GPC6: variants seen among roughly 807,000 people sequenced by gnomAD.
GPC6 encodes glypican-6.
GPC6 carries 14 observed loss-of-function variants against 55.2 expected under a neutral mutation model. The observed-to-expected ratio is 0.25, with a 90% CI of 0.17 to 0.40. The LOEUF is 0.40. Among genes scored for constraint, GPC6 ranks in the 10% least tolerant of loss-of-function variants. The pLI, the probability that GPC6 is intolerant of heterozygous loss-of-function variation, is 1.00. For missense variants in GPC6, 641 were observed against 708.5 expected, an observed-to-expected ratio of 0.90 and a Z score of 1.08; for synonymous variants, 278 against 259.6, an observed-to-expected ratio of 1.07 and a Z score of -0.68.
chr13:94,179,155 A>G (rs926893276), intron 4 of GPC6, among the ~76,000 whole-genome samples: 1 of 152,176 alleles, frequency 6.6e-6, no homozygotes, highest in Non-Finnish European at 1.5e-5. Context: ...CATCTCCAGT[A>G]TCCTCACCCT....
chr13:93,599,389 C>A (rs1877914935), intron 2 of GPC6, among the ~76,000 whole-genome samples: 1 of 151,866 alleles, frequency 6.6e-6, no homozygotes, highest in Non-Finnish European at 1.5e-5. Flanking sequence ...TTATAGAGAT[C>A]TGTTTTCTTA....
chr13:93,467,575 C>CTTTTTTTTTTTT (rs11426472), intron 1 of GPC6, among the ~76,000 whole-genome samples: 1 of 74,020 alleles, frequency 1.4e-5, no homozygotes. Flanking sequence ...AGCTGTGATT[C>CTTTTTTTTTTTT]TTTTTTTTTT....
intron 1 of GPC6, among the ~76,000 whole-genome samples, chr13:93,485,491 A>G (rs992111229): frequency 7.2e-5 from 11 of 152,188 alleles, no homozygotes; most frequent in Non-Finnish European, 1.5e-4. Context: ...TGCTGGACAT[A>G]GTCTTGTTTA....
At chr13:93,755,435 T>G (rs990495082) in intron 2 of GPC6, among the ~76,000 whole-genome samples, 2 of 152,136 alleles carry the variant, frequency 1.3e-5, no homozygotes, top group East Asian at 3.9e-4. Flanking sequence ...TAAATACAGA[T>G]TATGTGGCAG....
intron 4 of GPC6, among the ~76,000 whole-genome samples, chr13:94,253,433 T>G (rs142662117): frequency 6.7e-4 from 102 of 151,714 alleles, no homozygotes; most frequent in Middle Eastern, 3.4e-3. Flanking sequence ...ACGGTTCTTC[T>G]TTTTTTTATT....
At chr13:93,802,790 A>G (rs1007109270) in intron 2 of GPC6, among the ~76,000 whole-genome samples, 3 of 152,194 alleles carry the variant, frequency 2.0e-5, no homozygotes, top group African/African-American at 7.2e-5. Flanking sequence ...TATGAAAAAT[A>G]AATATATTTG....
intron 2 of GPC6, among the ~76,000 whole-genome samples, chr13:93,659,745 T>G (rs9556314): frequency 0.34 from 51,955 of 151,796 alleles, 9,305 homozygotes; most frequent in Middle Eastern, 0.48. Context: ...AATTTGACCA[T>G]GGTCTCTAAC....
chr13:93,694,724 A>C (rs1439578585), intron 2 of GPC6, among the ~76,000 whole-genome samples: 1 of 152,164 alleles, frequency 6.6e-6, no homozygotes, highest in Non-Finnish European at 1.5e-5. Context: ...CAGTATCAGC[A>C]CCTTTAGGTC....
At chr13:93,855,233 A>G (rs946633753) in intron 3 of GPC6, among the ~76,000 whole-genome samples, 3 of 151,566 alleles carry the variant, frequency 2.0e-5, no homozygotes, top group African/African-American at 4.8e-5. Context: ...TATTGTCTCT[A>G]TAGTTTTTGC....
intron 2 of GPC6, among the ~76,000 whole-genome samples, chr13:93,683,423 T>G (rs1241291458): frequency 6.6e-6 from 1 of 152,128 alleles, no homozygotes. Context: ...GATGAATCAT[T>G]TTAATTAGGA....
chr13:93,583,260 TTTCTCCCTCCTAAGAGTCAACC>T (rs1441627582), intron 2 of GPC6, among the ~76,000 whole-genome samples: 1 of 152,160 alleles, frequency 6.6e-6, no homozygotes, highest in Non-Finnish European at 1.5e-5. Context: ...GTCGTCTCCT[TTTCTCCCTCCTAAGAGTCAACC>T]TTCTGTATCT....
At chr13:93,244,489 G>C (rs562978265) in intron 1 of GPC6, among the ~76,000 whole-genome samples, 3 of 152,248 alleles carry the variant, frequency 2.0e-5, no homozygotes, top group African/African-American at 7.2e-5. Context: ...CATCTCCTGA[G>C]TTAGCTAGCA....
At chr13:93,280,828 G>C (rs1877925213) in intron 1 of GPC6, among the ~76,000 whole-genome samples, 1 of 152,166 alleles carries the variant, frequency 6.6e-6, no homozygotes, top group African/African-American at 2.4e-5. Context: ...AGATCATTAG[G>C]TATTAGATTC....
chr13:94,034,525 G>A (rs1402625647), intron 4 of GPC6, among the ~76,000 whole-genome samples: 1 of 152,000 alleles, frequency 6.6e-6, no homozygotes, highest in African/African-American at 2.4e-5. Flanking sequence ...TTTCTATTTT[G>A]AATCAAGCAA....
At chr13:93,759,908 C>G (rs2138875021) in intron 2 of GPC6, among the ~76,000 whole-genome samples, 2 of 151,404 alleles carry the variant, frequency 1.3e-5, no homozygotes, top group South Asian at 4.2e-4. Context: ...CTAGAATGTA[C>G]CGTCAGGTGT....
chr13:93,257,544 G>C (rs938718788), intron 1 of GPC6, among the ~76,000 whole-genome samples: 3 of 152,154 alleles, frequency 2.0e-5, no homozygotes, highest in African/African-American at 7.2e-5. Flanking sequence ...CTGCATATAT[G>C]TTCTGATAAA....
At chr13:93,287,715 T>G (rs1472032628) in intron 1 of GPC6, among the ~76,000 whole-genome samples, 1 of 152,224 alleles carries the variant, frequency 6.6e-6, no homozygotes, top group African/African-American at 2.4e-5. Flanking sequence ...CTTTAATTTT[T>G]AAAACCATGT....
chr13:93,450,917 G>A (rs1878201962), intron 1 of GPC6, among the ~76,000 whole-genome samples: 1 of 152,162 alleles, frequency 6.6e-6, no homozygotes, highest in African/African-American at 2.4e-5. Flanking sequence ...GAAGATAATG[G>A]ACTGGAGTCC....
At chr13:94,013,228 A>G (rs200942852) in intron 3 of GPC6, among the ~76,000 whole-genome samples, 19,925 of 151,964 alleles carry the variant, frequency 0.13, 1,587 homozygotes, top group East Asian at 0.33. Context: ...GTATATATAT[A>G]TATATATATG....
Sources: allele counts gnomAD v4.1 joint callset (sites outside exome capture counted in the v4.1 genomes callset), GRCh38; gene constraint gnomAD v4.1.1; transcripts MANE v1.5; gene names NCBI Gene and HGNC (gene_info 2026-07-23, HGNC 2026-07-21).